The following PRKN variants were observed in gnomAD, a reference collection of about 807,000 sequenced individuals.
PRKN encodes parkin RBR E3 ubiquitin protein ligase, also known as E3 ubiquitin-protein ligase parkin.
Under a neutral mutation model 59.5 loss-of-function variants are expected in PRKN, and 56 were observed. The ratio of observed to expected loss-of-function variants is 0.94; its 90% CI spans 0.76 to 1.18. The LOEUF (loss-of-function observed/expected upper bound fraction) is 1.18, where lower values mean the gene tolerates loss of function less well. Ranked by LOEUF, PRKN falls within the 50% of genes most tolerant of loss-of-function variation. The pLI is 0.00. For synonymous variants in PRKN, 250 were observed against 222.1 expected (o/e 1.13, Z -1.12); for missense variants, 657 against 596.4 (o/e 1.10, Z -1.06).
At chr6:162,612,071 T>A (rs1454911630) in intron 1 of PRKN, among the ~76,000 whole-genome samples, 1 of 150,428 alleles carries the variant, frequency 6.6e-6, no homozygotes, top group Non-Finnish European at 1.5e-5. Context: ...CGGGCGCCTG[T>A]AGTCCCAGCT....
chr6:162,476,602 A>C lies in PRKN; in HGVS notation c.8-33129T>G, dbSNP rs369476552. On this transcript the variant is annotated intron_variant, in intron 1 of 11. Transcript: ENST00000366898. ...TGGAAAAGAAAACAGGCAGCACAGC[A>C]TGAGGAAAGGACGAGCACAGGGAAG... Among the ~76,000 whole-genome samples the C allele has an allele frequency of 7.9e-5, 12 of 152,336 alleles. No homozygotes were observed. In the East Asian group the frequency reaches 2.3e-3, roughly 29 times the overall value.
At chr6:161,810,562 C>A (rs1186627815) in intron 6 of PRKN, among the ~76,000 whole-genome samples, 3 of 152,040 alleles carry the variant, frequency 2.0e-5, no homozygotes, top group Non-Finnish European at 4.4e-5. Flanking sequence ...TTTTCTGAAA[C>A]AGAAAGCATC....
At chr6:161,599,443 A>G (rs987069177) in intron 7 of PRKN, among the ~76,000 whole-genome samples, 4 of 152,218 alleles carry the variant, frequency 2.6e-5, no homozygotes, top group Non-Finnish European at 5.9e-5. Context: ...TAACCTAACC[A>G]AAAGATGTAT....
At position 162,552,307 on chromosome 6, in the gene PRKN, G is replaced by A. The variant is rs144385306; in HGVS notation, c.8-108834C>T. Among the ~76,000 whole-genome samples the A allele has an allele frequency of 2.8e-3, 430 of 152,266 alleles. 2 individuals carry two copies. The highest frequency in any genetic ancestry group is 6.8e-3 in the Middle Eastern group (2 of 294). ...AGGGGGAAAAAACGGGGTTTTAGCA[G>A]GAAAGTGAAGGGACCGATCTACGTT... On this transcript the variant is annotated intron_variant, in intron 1 of 11. Coordinates refer to ENST00000366898, the MANE Select transcript of PRKN (RefSeq NM_004562.3).
Position 162,498,705 on chromosome 6 carries a change from C to T in PRKN, c.8-55232G>A, listed in dbSNP as rs114207871. On this transcript the variant is annotated intron_variant, in intron 1 of 11. Coordinates refer to ENST00000366898, the MANE Select transcript of PRKN (RefSeq NM_004562.3). ...ACTGCCGCCTTTAAGTGACTGAATC[C>T]TGGAAATAAGTGTCAAAAAACCTAA... Among the ~76,000 whole-genome samples, 493 of 151,672 alleles carry T rather than the reference C, an allele frequency of 3.3e-3. 7 individuals are homozygous for T. Among genetic ancestry groups the T allele is most frequent in the African/African-American group, 0.011 (469 of 41,368 alleles).
rs750008661 is a variant in PRKN at position 161,357,842 on chromosome 6, G to A, written c.1285+2246C>T. Among the ~76,000 whole-genome samples the A allele has an allele frequency of 6.6e-6, 1 of 152,188 alleles. No individual in the cohort carries two copies. The highest frequency in any genetic ancestry group is 2.4e-5 in the African/African-American group (1 of 41,444). On this transcript the variant is annotated intron_variant, in intron 11 of 11. Coordinates refer to ENST00000366898, the MANE Select transcript of PRKN (RefSeq NM_004562.3). The surrounding 1 kb of genome is among the most constrained non-coding windows in gnomAD (Gnocchi z 5.5). ...CGAATCAGAGCACGTCTCACGGAGC[G>A]TGTTTGATGCACCGTCTCTGTTACT...
At position 161,442,675 on chromosome 6, in the gene PRKN, T is replaced by C. The variant is rs1311671518; in HGVS notation, c.1084-55798A>G. Among the ~76,000 whole-genome samples the C allele has an allele frequency of 6.6e-6, 1 of 152,186 alleles. No individual in the cohort carries two copies. Among genetic ancestry groups the C allele is most frequent in the Non-Finnish European group, 1.5e-5 (1 of 68,030 alleles). On this transcript the variant is annotated intron_variant, in intron 9 of 11. Coordinates refer to ENST00000366898, the MANE Select transcript of PRKN (RefSeq NM_004562.3). The surrounding 1 kb of genome is among the most constrained non-coding windows in gnomAD (Gnocchi z 4.6). ...ACTCCCAGCTGAAGGTGGCTTGGAATTTAGCTGTTCCTTCGGGGCCCCGCT... is the reference window on the plus strand; with the variant it reads ...ACTCCCAGCTGAAGGTGGCTTGGAACTTAGCTGTTCCTTCGGGGCCCCGCT...
At chr6:161,960,953 A>G (rs1050419855) in intron 6 of PRKN, among the ~76,000 whole-genome samples, 2 of 152,216 alleles carry the variant, frequency 1.3e-5, no homozygotes, top group Non-Finnish European at 2.9e-5. Context: ...ACTATTACCT[A>G]TGCTACCTCT....
At chr6:162,339,728 G>A (rs532639635) in intron 2 of PRKN, among the ~76,000 whole-genome samples, 80 of 152,196 alleles carry the variant, frequency 5.3e-4, no homozygotes, top group African/African-American at 1.3e-3. Context: ...TTGAGAAATC[G>A]GATGGTTGCC....
intron 7 of PRKN, among the ~76,000 whole-genome samples, chr6:161,622,758 A>G (rs917844491): frequency 6.6e-6 from 1 of 152,234 alleles, no homozygotes; most frequent in African/African-American, 2.4e-5. Context: ...GAAACAAAAG[A>G]AATCAGAGAA....
chr6:162,414,510 A>G (rs1007614326), intron 2 of PRKN, among the ~76,000 whole-genome samples: 3 of 151,732 alleles, frequency 2.0e-5, no homozygotes, highest in Non-Finnish European at 4.4e-5. Context: ...GATCAAGACC[A>G]TCCTGGCTAA....
intron 5 of PRKN, among the ~76,000 whole-genome samples, chr6:162,023,164 C>T (rs1253729738): frequency 1.3e-5 from 2 of 152,014 alleles, no homozygotes; most frequent in African/African-American, 4.8e-5. Context: ...GGCTCCCACC[C>T]CACAGCAGTG....
In PRKN at chr6:161,763,260, G is replaced by A. The variant is rs1789279797; in HGVS notation, c.871+22512C>T. Among the ~76,000 whole-genome samples, 9 of 152,152 alleles carry A rather than the reference G, an allele frequency of 5.9e-5. No individual in the cohort carries two copies. The South Asian group carries it at 1.9e-3, about 32-fold the overall frequency. ...AGTTGGCACGTTCCTGCCGGAATTG[G>A]AGAAGCAAAGGCTGAAAGAAGCAGG... On this transcript the variant is annotated intron_variant, in intron 7 of 11. Coordinates refer to ENST00000366898, the MANE Select transcript of PRKN (RefSeq NM_004562.3).
At chr6:162,387,123 T>G (rs1408700603) in intron 2 of PRKN, among the ~76,000 whole-genome samples, 1 of 151,212 alleles carries the variant, frequency 6.6e-6, no homozygotes, top group East Asian at 1.9e-4. Flanking sequence ...CAAAATATGC[T>G]AATAGAATTT....
At chr6:162,188,937 A>T (rs565177085) in intron 4 of PRKN, among the ~76,000 whole-genome samples, 37 of 152,288 alleles carry the variant, frequency 2.4e-4, no homozygotes, top group Middle Eastern at 3.4e-3. Flanking sequence ...ATGACTACAA[A>T]GCAAGCATGT....
rs765799018 is a variant in PRKN, at chr6:162,124,014, C to A, written c.535-69840G>T. Among the ~76,000 whole-genome samples the A allele has an allele frequency of 3.9e-5, 6 of 152,282 alleles. No individual in the cohort carries two copies. In the East Asian group the frequency reaches 1.2e-3, roughly 29 times the overall value. On this transcript the variant is annotated intron_variant, in intron 4 of 11. Coordinates refer to ENST00000366898, the MANE Select transcript of PRKN (RefSeq NM_004562.3). ...GATTGCCCTGTAAGTATCACTCTGG[C>A]AGCAGCACACAACCCGAGCAACAAT...
intron 1 of PRKN, among the ~76,000 whole-genome samples, chr6:162,530,782 C>T (rs1230189373): frequency 6.6e-6 from 1 of 152,138 alleles, no homozygotes; most frequent in Non-Finnish European, 1.5e-5. Context: ...ATAAGCCTGG[C>T]GCAGTGGCTC....
chr6:162,115,194 A>G (rs1780612831), intron 4 of PRKN, among the ~76,000 whole-genome samples: 1 of 152,252 alleles, frequency 6.6e-6, no homozygotes, highest in African/African-American at 2.4e-5. Context: ...TGTCCTTTGT[A>G]GGGACATGGA....
chr6:161,386,711 C>T lies in PRKN; in HGVS notation c.1167+83G>A. The T allele has an allele frequency of 9.3e-7, 1 of 1,071,508 alleles. No homozygotes were observed. Among genetic ancestry groups the T allele is most frequent in the South Asian group, 1.2e-5 (1 of 80,012 alleles). The allele number at this position is 1,071,508 out of a possible 1,614,324, so 66.4% of individuals were successfully genotyped here. A position where few individuals can be genotyped will look rare whatever the true frequency, so the allele number is the denominator to read the frequency against. ...TGCTTCTTGCTTTTTTAGAATGGAA[C>T]TCTCCATGACCTCCAGGAAACGGCT... On this transcript the variant is annotated intron_variant, in intron 10 of 11. Coordinates refer to ENST00000366898, the MANE Select transcript of PRKN (RefSeq NM_004562.3). This position sits in a 1 kb window ranked among gnomAD's most constrained non-coding sequence, Gnocchi z 4.3.
Sources: gnomAD v4.1 joint callset for allele counts (sites outside exome capture counted in the v4.1 genomes callset) on GRCh38, gnomAD v4.1.1 for gene constraint, Gnocchi (gnomAD v3.1) non-coding constraint, MANE v1.5 for transcripts, NCBI Gene and HGNC (gene_info 2026-07-23, HGNC 2026-07-21) for gene names.